TANC2: variants seen among roughly 807,000 people sequenced by gnomAD.
TANC2 encodes the protein protein TANC2.
TANC2 carries 26 observed loss-of-function variants against 210.5 expected under a neutral mutation model. That is an observed-to-expected ratio of 0.12 (90% CI 0.09 to 0.17). TANC2 has a LOEUF of 0.17. Ranked by LOEUF, TANC2 falls within the 10% of genes least tolerant of loss-of-function variation. The pLI, the probability that TANC2 is intolerant of heterozygous loss-of-function variation, is 1.00. For missense variants in TANC2, 2,129 were observed against 2,608.9 expected, an observed-to-expected ratio of 0.82 and a Z score of 4.01; for synonymous variants, 931 against 967.1, an observed-to-expected ratio of 0.96 and a Z score of 0.69.
chr17:63,269,848 A>T (rs1234576302), intron 9 of TANC2, among the ~76,000 whole-genome samples: 1 of 152,142 alleles, frequency 6.6e-6, no homozygotes, highest in East Asian at 1.9e-4. Context: ...ACATTCAAAG[A>T]TTTTCCCAAA....
chr17:63,146,129 A>G (rs1055242333), intron 4 of TANC2, among the ~76,000 whole-genome samples: 2 of 152,032 alleles, frequency 1.3e-5, no homozygotes, highest in African/African-American at 4.8e-5. Context: ...TTCCTTGATT[A>G]AGTTTATGTC....
intron 5 of TANC2, among the ~76,000 whole-genome samples, chr17:63,173,225 T>G (rs1234615505): frequency 6.6e-6 from 1 of 152,236 alleles, no homozygotes; most frequent in African/African-American, 2.4e-5. Context: ...GAAGTTTATC[T>G]TAACACTATC....
At chr17:63,178,364 G>T (rs754985659) in intron 5 of TANC2, among the ~76,000 whole-genome samples, 2 of 152,084 alleles carry the variant, frequency 1.3e-5, no homozygotes, top group Non-Finnish European at 2.9e-5. Flanking sequence ...CCCTATGGGC[G>T]CACATAAGCT....
At chr17:63,371,698 C>G (rs1011052087) in intron 14 of TANC2, among the ~76,000 whole-genome samples, 4 of 152,086 alleles carry the variant, frequency 2.6e-5, no homozygotes, top group African/African-American at 4.8e-5. Context: ...AAGTGAAAAC[C>G]TATTAGAAAA....
intron 19 of TANC2, among the ~76,000 whole-genome samples, chr17:63,401,605 AGCC>A (rs2147254950): frequency 6.6e-6 from 1 of 152,350 alleles, no homozygotes; most frequent in South Asian, 2.1e-4. Flanking sequence ...TTCCATTTGC[AGCC>A]TCTTTATCTT....
At chr17:62,984,520 C>G (rs1247742171) in intron 1 of TANC2, among the ~76,000 whole-genome samples, 1 of 151,752 alleles carries the variant, frequency 6.6e-6, no homozygotes, top group Non-Finnish European at 1.5e-5. Flanking sequence ...CTTGTTCTTG[C>G]TTTTCTAGTT....
At chr17:63,083,653 C>T (rs1487532272) in intron 3 of TANC2, among the ~76,000 whole-genome samples, 1 of 152,176 alleles carries the variant, frequency 6.6e-6, no homozygotes, top group East Asian at 1.9e-4. Flanking sequence ...TTCTGTGCTC[C>T]TTCCCCAGTC....
chr17:63,185,024 TCACTCTGTCACC>T (rs1299090781), intron 5 of TANC2, among the ~76,000 whole-genome samples: 1 of 151,520 alleles, frequency 6.6e-6, no homozygotes, highest in Non-Finnish European at 1.5e-5. Context: ...AGACAGGGTC[TCACTCTGTCACC>T]CAGACTAGAG....
At chr17:63,110,704 A>G (rs932233576) in intron 4 of TANC2, among the ~76,000 whole-genome samples, 1 of 152,214 alleles carries the variant, frequency 6.6e-6, no homozygotes, top group Admixed American at 6.5e-5. Context: ...GAGCCTTTAT[A>G]TGGCTTAACT....
intron 8 of TANC2, among the ~76,000 whole-genome samples, chr17:63,251,641 A>G (rs2043056178): frequency 1.3e-5 from 2 of 152,220 alleles, no homozygotes; most frequent in South Asian, 4.1e-4. Context: ...TTGTAGTCCC[A>G]GATTAAAGCC....
intron 9 of TANC2, among the ~76,000 whole-genome samples, chr17:63,294,705 C>G (rs1400889254): frequency 6.6e-6 from 1 of 152,078 alleles, no homozygotes; most frequent in African/African-American, 2.4e-5. Flanking sequence ...TCTTTATGCA[C>G]CTATCATTTT....
At chr17:63,306,939 C>T (rs1461755980) in intron 9 of TANC2, among the ~76,000 whole-genome samples, 1 of 152,086 alleles carries the variant, frequency 6.6e-6, no homozygotes, top group East Asian at 1.9e-4. Flanking sequence ...AGAACAAGAC[C>T]ATGTCTCTTA....
At chr17:63,227,912 G>A (rs560834217) in intron 7 of TANC2, among the ~76,000 whole-genome samples, 3 of 151,706 alleles carry the variant, frequency 2.0e-5, no homozygotes, top group Non-Finnish European at 4.4e-5. Context: ...CACCCAGGCC[G>A]GAGTGCAGTG....
At chr17:63,055,976 AAAAAAAAAAAAAAAATAT>A (rs1432425937) in intron 2 of TANC2, among the ~76,000 whole-genome samples, 5 of 35,640 alleles carry the variant, frequency 1.4e-4, no homozygotes, top group Non-Finnish European at 1.9e-4. Flanking sequence ...AAAAAAAAAA[AAAAAAAAAAAAAAAATAT>A]ATATATATAT....
intron 12 of TANC2, among the ~76,000 whole-genome samples, chr17:63,347,048 A>G (rs912158063): frequency 1.3e-5 from 2 of 152,166 alleles, no homozygotes; most frequent in Non-Finnish European, 2.9e-5. Flanking sequence ...CTTTATGACC[A>G]AGCAACTCTA....
intron 4 of TANC2, among the ~76,000 whole-genome samples, chr17:63,112,465 A>G (rs6504152): frequency 0.23 from 35,048 of 152,018 alleles, 4,260 homozygotes; most frequent in South Asian, 0.35. Context: ...TTGTTTTTCA[A>G]CAGATCTTTA....
At chr17:63,243,994 G>A (rs2042848423) in intron 8 of TANC2, among the ~76,000 whole-genome samples, 1 of 152,082 alleles carries the variant, frequency 6.6e-6, no homozygotes, top group African/African-American at 2.4e-5. Context: ...AAACAAAAAA[G>A]TCAGAGCCAA....
intron 11 of TANC2, chr17:63,332,349 G>T: frequency 3.2e-6 from 1 of 308,920 alleles, no homozygotes; most frequent in South Asian, 3.0e-5. Context: ...TTGATTGGGT[G>T]AATTTTCTAC....
At chr17:63,417,505 C>T (rs561049972) in intron 26 of TANC2, among the ~76,000 whole-genome samples, 1 of 152,046 alleles carries the variant, frequency 6.6e-6, no homozygotes, top group East Asian at 1.9e-4. Context: ...GAGCACAGAC[C>T]TCAGTCACAG....
Sources: allele counts gnomAD v4.1 joint callset (sites outside exome capture counted in the v4.1 genomes callset), GRCh38; gene constraint gnomAD v4.1.1; transcripts MANE v1.5; gene names NCBI Gene and HGNC (gene_info 2026-07-23, HGNC 2026-07-21).